SEC31A: variants seen among roughly 807,000 people sequenced by gnomAD.
The protein encoded by SEC31A is protein transport protein Sec31A.
A neutral mutation model predicts 151.0 loss-of-function variants in SEC31A; 70 were observed. That is an observed-to-expected ratio of 0.46 (90% CI 0.38 to 0.57). The LOEUF is 0.57. Among genes scored for constraint, SEC31A ranks in the 20% least tolerant of loss-of-function variants. SEC31A has a pLI of 0.00. For missense variants in SEC31A, 1,330 were observed against 1,471.2 expected (o/e 0.90, Z 1.57); for synonymous variants, 475 against 505.9 (o/e 0.94, Z 0.82).
rs147670091 is a variant in SEC31A, at chr4:82,872,397, C to T, written c.640-311G>A. 2.7e-4 allele frequency among the ~76,000 whole-genome samples: 41 copies of T among 152,250 alleles called. 2 individuals are homozygous for T. Among genetic ancestry groups the T allele is most frequent in the African/African-American group, 9.9e-4 (41 of 41,556 alleles). On this transcript the variant is annotated intron_variant, in intron 6 of 26. Coordinates refer to ENST00000395310, the MANE Select transcript of SEC31A (RefSeq NM_001077207.4). ...AGATATGAGGTTTTACCATGTTGGC[C>T]AGGCTGGTCTTGAACTCCTGACCTC...
rs555451638 is a variant in SEC31A, at chr4:82,841,442, T to A, written c.2968+698A>T. 8.7e-3 allele frequency among the ~76,000 whole-genome samples: 562 copies of A among 64,414 alleles called. 7 individuals are homozygous for A. The highest frequency in any genetic ancestry group is 0.019 in the African/African-American group (484 of 25,686). 42.3% of individuals were successfully genotyped at this position (64,414 alleles called of 152,430 possible). ...CATCTCAAAAAAGAAAAAAAAAATT[T>A]TATATATATATATATATATATATAT... On this transcript the variant is annotated intron_variant, in intron 22 of 26. Coordinates refer to ENST00000395310, the MANE Select transcript of SEC31A (RefSeq NM_001077207.4).
chr4:82,890,710 C>A, intron 1 of SEC31A: 1 of 1,065,476 alleles, frequency 9.4e-7, no homozygotes. Flanking sequence ...CCAAAGTAAT[C>A]CTGAGATTTT....
At chr4:82,868,534 A>C (rs532774882) in intron 8 of SEC31A, among the ~76,000 whole-genome samples, 109 of 152,088 alleles carry the variant, frequency 7.2e-4, no homozygotes, top group Non-Finnish European at 1.2e-3. Context: ...AAAATAAATA[A>C]ATAAATAGAA....
chr4:82,822,766 G>A (rs905141646), intron 25 of SEC31A, among the ~76,000 whole-genome samples: 1 of 152,152 alleles, frequency 6.6e-6, no homozygotes, highest in African/African-American at 2.4e-5. Context: ...CTGATGTTGG[G>A]AGTTCGAGAC....
intron 18 of SEC31A, among the ~76,000 whole-genome samples, chr4:82,853,041 G>A (rs967609348): frequency 2.0e-5 from 3 of 152,158 alleles, no homozygotes; most frequent in Admixed American, 6.5e-5. Flanking sequence ...AATAATGCTC[G>A]TTCACCCACT....
chr4:82,888,704 A>G (rs979788565), intron 1 of SEC31A, among the ~76,000 whole-genome samples: 2 of 151,962 alleles, frequency 1.3e-5, no homozygotes, highest in African/African-American at 2.4e-5. Context: ...AAAATAAAAA[A>G]AAAAAAAAAT....
chr4:82,873,861 T>G (rs12640703), intron 6 of SEC31A, among the ~76,000 whole-genome samples: 42,698 of 152,016 alleles, frequency 0.28, 7,166 homozygotes, highest in East Asian at 0.49. Context: ...TATGGGTAAG[T>G]GCCGAAAATA....
chr4:82,858,810 T>C (rs959440016), intron 14 of SEC31A, among the ~76,000 whole-genome samples: 9 of 151,572 alleles, frequency 5.9e-5, no homozygotes, highest in Admixed American at 2.0e-4. Context: ...TCACGCCATT[T>C]TCCTGCCTCA....
intron 1 of SEC31A, among the ~76,000 whole-genome samples, chr4:82,882,869 G>A (rs746527028): frequency 4.6e-5 from 7 of 152,202 alleles, no homozygotes; most frequent in Non-Finnish European, 1.0e-4. Flanking sequence ...TGCAATCGCA[G>A]CACTTTGGGA....
intron 4 of SEC31A, among the ~76,000 whole-genome samples, chr4:82,876,833 G>A (rs534303812): frequency 3.9e-5 from 6 of 152,310 alleles, no homozygotes; most frequent in African/African-American, 1.4e-4. Context: ...ACTAAAAAAA[G>A]GGAGACATTC....
intron 1 of SEC31A, among the ~76,000 whole-genome samples, chr4:82,885,612 C>T (rs932408230): frequency 2.0e-5 from 3 of 152,220 alleles, no homozygotes; most frequent in East Asian, 1.9e-4. Context: ...CTTTGAACTC[C>T]TTATACTTCT....
intron 20 of SEC31A, among the ~76,000 whole-genome samples, chr4:82,845,773 A>G (rs192987181): frequency 9.8e-5 from 15 of 152,298 alleles, no homozygotes; most frequent in African/African-American, 3.4e-4. Context: ...CACAAAAGTC[A>G]TATCAGTCCA....
At chr4:82,844,827 CTG>C (rs1729701416) in intron 20 of SEC31A, among the ~76,000 whole-genome samples, 1 of 152,160 alleles carries the variant, frequency 6.6e-6, no homozygotes, top group Admixed American at 6.5e-5. Context: ...CTACTCCACT[CTG>C]TAAATATAAG....
intron 13 of SEC31A, among the ~76,000 whole-genome samples, chr4:82,862,074 A>G (rs1266337449): frequency 2.0e-5 from 3 of 151,326 alleles, no homozygotes; most frequent in African/African-American, 7.3e-5. Context: ...CACCACGCCC[A>G]GCTAATTTTT....
At chr4:82,888,720 G>A (rs1385537312) in intron 1 of SEC31A, among the ~76,000 whole-genome samples, 1 of 151,744 alleles carries the variant, frequency 6.6e-6, no homozygotes. Flanking sequence ...AAAATTTCTT[G>A]AGGAAAATTT....
chr4:82,876,551 C>G (rs1172173779), intron 4 of SEC31A, among the ~76,000 whole-genome samples: 1 of 152,206 alleles, frequency 6.6e-6, no homozygotes, highest in Non-Finnish European at 1.5e-5. Flanking sequence ...ACTGTGGCAT[C>G]TTTCTCAGGA....
At chr4:82,832,509 C>T (rs1433716117) in intron 22 of SEC31A, among the ~76,000 whole-genome samples, 2 of 152,160 alleles carry the variant, frequency 1.3e-5, no homozygotes, top group Non-Finnish European at 2.9e-5. Context: ...GCAAAGACTT[C>T]ATGTCTAAAA....
chr4:82,895,225 T>C (rs1049916322), upstream of SEC31A: 16 of 152,244 alleles, frequency 1.1e-4, no homozygotes, highest in Non-Finnish European at 2.9e-5. Context: ...CTTATGACTA[T>C]AATCCCAGCA....
In SEC31A at chr4:82,881,959, A is replaced by T; in HGVS notation, c.-4-19T>A. The T allele has an allele frequency of 1.3e-6, 2 of 1,593,632 alleles. No homozygotes were observed. Among genetic ancestry groups the T allele is most frequent in the African/African-American group, 2.7e-5 (2 of 74,660 alleles). On this transcript the variant is annotated intron_variant, in intron 1 of 26. Coordinates refer to ENST00000395310, the MANE Select transcript of SEC31A (RefSeq NM_001077207.4). ...CATCCTGCTAAAGGGAATATTTTAT[A>T]CAGAAACAGCCTTGAATGACTTGAA...
Sources: allele counts gnomAD v4.1 joint callset (sites outside exome capture counted in the v4.1 genomes callset), GRCh38; gene constraint gnomAD v4.1.1; transcripts MANE v1.5; gene names NCBI Gene and HGNC (gene_info 2026-07-23, HGNC 2026-07-21).